Variants in TINAG observed in about 807,000 individuals in gnomAD.
TINAG encodes the protein tubulointerstitial nephritis antigen.
A neutral mutation model predicts 72.7 loss-of-function variants in TINAG; 83 were observed. The observed-to-expected ratio is 1.14, with a 90% CI of 0.96 to 1.37. The LOEUF (loss-of-function observed/expected upper bound fraction) is 1.37. TINAG is among the 40% of genes most tolerant of loss of function. The pLI, the probability that TINAG is intolerant of heterozygous loss-of-function variation, is 0.00. For synonymous variants in TINAG, 234 were observed against 189.9 expected, an observed-to-expected ratio of 1.23 and a Z score of -1.91; for missense variants, 685 against 576.6, an observed-to-expected ratio of 1.19 and a Z score of -1.93.
In TINAG at chr6:54,327,941, CT is replaced by C. The variant is rs943199612; in HGVS notation, c.624+1028del. Among the ~76,000 whole-genome samples, 25 of 152,138 alleles carry C rather than the reference CT, an allele frequency of 1.6e-4. 1 individual carries two copies. On this transcript the variant is annotated intron_variant, in intron 4 of 10. Coordinates refer to ENST00000259782, the MANE Select transcript of TINAG (RefSeq NM_014464.4). ...GATTCCTCCTGTCTGGGCAGGGCATCTTTGAAAGAAAGGCAGCAGCTCCAGT... is the reference window on the plus strand; with the variant it reads ...GATTCCTCCTGTCTGGGCAGGGCATCTTGAAAGAAAGGCAGCAGCTCCAGT...
chr6:54,354,391 C>T, intron 8 of TINAG, 122 bp from the exon 9 acceptor site: 1 of 856,906 alleles, frequency 1.2e-6, no homozygotes. Context: ...CTGAATCACA[C>T]AGCCCCTTCT....
chr6:54,366,252 GTA>G (rs915021076), intron 9 of TINAG, among the ~76,000 whole-genome samples: 3 of 137,884 alleles, frequency 2.2e-5, no homozygotes, highest in Non-Finnish European at 3.1e-5. Context: ...ACACGTACGT[GTA>G]TGTGTGTGTG....
intron 4 of TINAG, among the ~76,000 whole-genome samples, chr6:54,333,792 T>TA (rs1784800042): frequency 6.6e-6 from 1 of 152,174 alleles, no homozygotes; most frequent in Non-Finnish European, 1.5e-5. Flanking sequence ...TAAACACAGT[T>TA]ATTTTGTCCT....
At chr6:54,366,279 A>G (rs1763415049) in intron 9 of TINAG, among the ~76,000 whole-genome samples, 1 of 144,934 alleles carries the variant, frequency 6.9e-6, no homozygotes, top group South Asian at 2.2e-4. Flanking sequence ...TGTGTGTGTG[A>G]AAAGGAAAGA....
intron 3 of TINAG, among the ~76,000 whole-genome samples, chr6:54,322,290 G>A (rs1046810131): frequency 2.6e-5 from 4 of 151,834 alleles, no homozygotes; most frequent in Admixed American, 6.6e-5. Context: ...CATGGGAATC[G>A]GGGGGTGAAA....
chr6:54,343,555 T>C (rs1417387), intron 5 of TINAG, among the ~76,000 whole-genome samples: 56,693 of 150,724 alleles, frequency 0.38, 13,573 homozygotes, highest in Middle Eastern at 0.56. Flanking sequence ...TATTTTAGGG[T>C]GAAATTTTAA....
intron 9 of TINAG, among the ~76,000 whole-genome samples, chr6:54,355,719 G>GTGTGTA (rs1489284729): frequency 6.9e-6 from 1 of 144,110 alleles, no homozygotes; most frequent in Non-Finnish European, 1.5e-5. Context: ...TGTAACGTGT[G>GTGTGTA]TGTGTGTGTG....
intron 1 of TINAG, among the ~76,000 whole-genome samples, chr6:54,309,417 C>A (rs1477545954): frequency 2.0e-5 from 3 of 152,056 alleles, no homozygotes; most frequent in Non-Finnish European, 4.4e-5. Flanking sequence ...GTCAGTCACC[C>A]GCTCTGCCTA....
In TINAG at chr6:54,369,225, C is replaced by T. The variant is rs138590881; in HGVS notation, c.1251-11301C>T. On this transcript the variant is annotated intron_variant, in intron 9 of 10. Coordinates refer to ENST00000259782, the MANE Select transcript of TINAG (RefSeq NM_014464.4). Reference sequence around the variant, plus strand: ...ACTCATCTCCATATGCAGTAATTCTCACACGATTTTTAGAAAATCACTTTT... The same window carrying T: ...ACTCATCTCCATATGCAGTAATTCTTACACGATTTTTAGAAAATCACTTTT... Among the ~76,000 whole-genome samples, 28 of 151,962 alleles carry T rather than the reference C, an allele frequency of 1.8e-4. No individual in the cohort carries two copies. In the East Asian group the frequency reaches 4.7e-3, roughly 25 times the overall value.
chr6:54,365,302 A>G (rs894913871), intron 9 of TINAG: 3 of 151,610 alleles, frequency 2.0e-5, no homozygotes, highest in South Asian at 4.1e-4. Flanking sequence ...GGTGGGGTGC[A>G]CTGGTTTGAA....
chr6:54,382,267 C>G (rs1376661985), intron 10 of TINAG, among the ~76,000 whole-genome samples: 1 of 152,010 alleles, frequency 6.6e-6, no homozygotes, highest in Non-Finnish European at 1.5e-5. Context: ...TAATATTTTG[C>G]ACATTAATTG....
intron 8 of TINAG, among the ~76,000 whole-genome samples, chr6:54,353,726 A>G (rs936853369): frequency 6.6e-6 from 1 of 151,856 alleles, no homozygotes; most frequent in African/African-American, 2.4e-5. Context: ...AACACTAGTT[A>G]CCTTACTTCC....
intron 10 of TINAG, among the ~76,000 whole-genome samples, chr6:54,381,358 CT>C (rs11304981): frequency 0.76 from 115,562 of 151,448 alleles, 44,841 homozygotes; most frequent in African/African-American, 0.87. Context: ...ATATTATATA[CT>C]TTTTTTATAC....
chr6:54,363,608 C>A (rs1763310597), intron 9 of TINAG, among the ~76,000 whole-genome samples: 1 of 133,654 alleles, frequency 7.5e-6, no homozygotes. Context: ...CAAAAAAGTG[C>A]CAACGGGTAT....
chr6:54,367,757 G>C (rs905925012), intron 9 of TINAG, among the ~76,000 whole-genome samples: 1 of 151,878 alleles, frequency 6.6e-6, no homozygotes, highest in South Asian at 2.1e-4. Context: ...AGTTCCTTCA[G>C]ACTGCTGTAA....
chr6:54,366,351 T>C (rs1051788262), intron 9 of TINAG, among the ~76,000 whole-genome samples: 3 of 151,566 alleles, frequency 2.0e-5, no homozygotes, highest in Admixed American at 1.3e-4. Flanking sequence ...AATTGCTCTG[T>C]TCCCTCTTTT....
chr6:54,383,072 C>A (rs1215292983), intron 10 of TINAG, among the ~76,000 whole-genome samples: 1 of 152,100 alleles, frequency 6.6e-6, no homozygotes, highest in Admixed American at 6.6e-5. Context: ...AGGACCTTGT[C>A]TCTGCTCTCT....
At chr6:54,310,911 CTCTCTCCCACTTTCCCTCTTTCTTTCTT>C (rs1784240605) in intron 1 of TINAG, among the ~76,000 whole-genome samples, 2 of 142,678 alleles carry the variant, frequency 1.4e-5, no homozygotes, top group Admixed American at 7.2e-5. Context: ...CTTTCTCTTT[CTCTCTCCCACTTTCCCTCTTTCTTTCTT>C]TTTTTCTCTC....
chr6:54,338,594 C>T (rs375580393), intron 4 of TINAG, among the ~76,000 whole-genome samples: 1 of 151,530 alleles, frequency 6.6e-6, no homozygotes, highest in African/African-American at 2.4e-5. Flanking sequence ...TGTGGTGGCA[C>T]GTGTCTGTAG....
Sources: gnomAD v4.1 joint callset for allele counts (sites outside exome capture counted in the v4.1 genomes callset) on GRCh38, gnomAD v4.1.1 for gene constraint, MANE v1.5 for transcripts, NCBI Gene and HGNC (gene_info 2026-07-23, HGNC 2026-07-21) for gene names.